COLEC10: variants seen among roughly 807,000 people sequenced by gnomAD.
COLEC10 encodes the protein collectin-10.
A neutral mutation model predicts 28.4 loss-of-function variants in COLEC10; 22 were observed. That is an observed-to-expected ratio of 0.78 (90% CI 0.55 to 1.11). The LOEUF (loss-of-function observed/expected upper bound fraction) is 1.11, where lower values mean the gene tolerates loss of function less well. Ranked by LOEUF, COLEC10 falls within the 50% of genes least tolerant of loss-of-function variation. The pLI, the probability that COLEC10 is intolerant of heterozygous loss-of-function variation, is 0.00. For synonymous variants in COLEC10, 125 were observed against 116.1 expected (o/e 1.08, Z -0.49); for missense variants, 361 against 344.1 (o/e 1.05, Z -0.39).
chr8:119,004,486 T>C (rs1192910957), intron 1 of COLEC10, among the ~76,000 whole-genome samples: 2 of 151,594 alleles, frequency 1.3e-5, no homozygotes, highest in African/African-American at 2.4e-5. Context: ...TTAATTCTCA[T>C]GCTACCCAGC....
chr8:119,070,476 T>TCTCTCTCC (rs1554627418), intron 1 of COLEC10, among the ~76,000 whole-genome samples: 40 of 99,104 alleles, frequency 4.0e-4, no homozygotes, highest in East Asian at 1.0e-3. Context: ...TCTCTCTCTC[T>TCTCTCTCC]CCTTCCCCCT....
At chr8:119,085,599 C>CTTCTTTTTT (rs1563739053) in intron 1 of COLEC10, among the ~76,000 whole-genome samples, 9 of 63,564 alleles carry the variant, frequency 1.4e-4, no homozygotes, top group East Asian at 5.9e-4. Flanking sequence ...TCTTCTTCTT[C>CTTCTTTTTT]TTTTTTTTTT....
At chr8:119,102,936 T>C (rs1815867693) in intron 4 of COLEC10, among the ~76,000 whole-genome samples, 1 of 152,184 alleles carries the variant, frequency 6.6e-6, no homozygotes. Flanking sequence ...CACAGAGGTA[T>C]GGTGAAGACA....
intron 2 of COLEC10, among the ~76,000 whole-genome samples, chr8:119,009,928 G>A (rs756617548): frequency 4.0e-5 from 6 of 150,430 alleles, no homozygotes; most frequent in Non-Finnish European, 7.4e-5. Flanking sequence ...ATTTCCTGTC[G>A]AACTTCTGCC....
rs1215366278 is a variant in COLEC10, at chr8:119,091,171, T to C, written c.243T>C (p.Asp81=). 2.5e-6 allele frequency: 4 copies of C among 1,612,888 alleles called. No homozygotes were observed. In the African/African-American group the frequency reaches 5.3e-5, roughly 22 times the overall value. Residue 81 remains aspartate (D), a synonymous_variant, in exon 3 of 6, where the codon GAT becomes GAC. Transcript: ENST00000332843. ...GPKGIKGELG[D]MGDQGNIGKT... is the part of the protein sequence containing the mutation. ...CAGGAATTAAAGGAGAACTGGGTGATATGGGAGATCAGGGCAATATTGGCA... is the reference window on the plus strand; with the variant it reads ...CAGGAATTAAAGGAGAACTGGGTGACATGGGAGATCAGGGCAATATTGGCA...
chr8:119,083,505 A>C (rs887875378), intron 1 of COLEC10, among the ~76,000 whole-genome samples: 4 of 152,146 alleles, frequency 2.6e-5, no homozygotes, highest in African/African-American at 9.7e-5. Context: ...AAGCCCAGGG[A>C]GTGGATACCA....
chr8:119,053,686 T>TGGG (rs60423523), intron 2 of COLEC10, among the ~76,000 whole-genome samples: 48 of 150,048 alleles, frequency 3.2e-4, no homozygotes, highest in South Asian at 1.5e-3. Context: ...AAAAAAAAGG[T>TGGG]GGGGGGGGCT....
chr8:119,078,814 ATTAC>A lies in COLEC10; in HGVS notation c.149-10863_149-10860del, dbSNP rs552852540. On this transcript the variant is annotated intron_variant, in intron 1 of 5. Transcript: ENST00000332843. ...ATCAAAGGTAATGGCAAAAACTGCA[ATTAC>A]TTTAACACCAACCTAATAACTACAT... Among the ~76,000 whole-genome samples the A allele has an allele frequency of 4.7e-4, 72 of 152,060 alleles. 1 individual carries two copies. The East Asian group carries it at 0.013, about 26-fold the overall frequency.
At chr8:118,997,408 CTG>C (rs1033030827) in intron 1 of COLEC10, among the ~76,000 whole-genome samples, 7 of 152,230 alleles carry the variant, frequency 4.6e-5, no homozygotes, top group African/African-American at 1.7e-4. Flanking sequence ...AGCTTTTCCC[CTG>C]TGTTTTTTCA....
chr8:119,089,817 T>C (rs1395463667), intron 2 of COLEC10, 66 bp downstream of exon 2: 1 of 1,355,786 alleles, frequency 7.4e-7, no homozygotes, highest in Non-Finnish European at 1.0e-6. Context: ...TCCTGGCCCT[T>C]GCCCTGGAAA....
intron 2 of COLEC10, among the ~76,000 whole-genome samples, chr8:119,028,452 G>T (rs773186538): frequency 5.6e-4 from 85 of 152,106 alleles, no homozygotes; most frequent in Non-Finnish European, 1.1e-3. Flanking sequence ...AATCATGGTG[G>T]GAGGTGAAAG....
chr8:119,106,063 G>A lies in COLEC10; in HGVS notation c.706G>A (p.Glu236Lys), dbSNP rs1815934904. 1 of 1,613,936 alleles carries A rather than the reference G, an allele frequency of 6.2e-7. No individual in the cohort carries two copies. Among genetic ancestry groups the A allele is most frequent in the Non-Finnish European group, 8.5e-7 (1 of 1,179,882 alleles). ...TPLQNYSNWNEGEPSDPYGHE... is the reference protein window; with the variant it reads ...TPLQNYSNWNKGEPSDPYGHE... The stretch of plus-strand genomic sequence containing the variant: ...ACTGCAGAACTATAGCAACTGGAAT[G>A]AGGGGGAACCCAGCGACCCCTATGG... Residue 236 changes from glutamate (E) to lysine (K), a missense_variant, in exon 6 of 6, where the codon GAG becomes AAG. Physicochemically the swap from Glu to Lys is moderately conservative, Grantham distance 56 (BLOSUM62 1). Transcript: ENST00000332843.
upstream of COLEC10, among the ~76,000 whole-genome samples, chr8:118,991,713 C>T (rs990926503): frequency 2.0e-5 from 3 of 152,064 alleles, no homozygotes; most frequent in Non-Finnish European, 2.9e-5. Context: ...TTGTGTGGCC[C>T]AATTCAGTAT....
the COLEC10 span, among the ~76,000 whole-genome samples, chr8:118,981,997 T>C: frequency 2.4e-5 from 2 of 81,984 alleles, no homozygotes; most frequent in Non-Finnish European, 5.0e-5. Flanking sequence ...TCACCCCTAC[T>C]TTTTTTTTTT....
intron 1 of COLEC10, among the ~76,000 whole-genome samples, chr8:119,086,813 C>A (rs1815489735): frequency 6.6e-6 from 1 of 152,190 alleles, no homozygotes; most frequent in Non-Finnish European, 1.5e-5. Flanking sequence ...TTTTCATGAG[C>A]AGGACGCGCA....
chr8:119,046,505 C>A (rs1814590622), intron 2 of COLEC10, among the ~76,000 whole-genome samples: 1 of 152,092 alleles, frequency 6.6e-6, no homozygotes, highest in Admixed American at 6.6e-5. Flanking sequence ...AATTGAAATT[C>A]TTGACATGAA....
intron 1 of COLEC10, 42 bp downstream of exon 1, chr8:119,067,471 A>G (rs1213161503): frequency 2.5e-6 from 4 of 1,579,544 alleles, no homozygotes; most frequent in Non-Finnish European, 1.7e-6. Context: ...AATAAATATG[A>G]TATCTTCCCT....
intron 2 of COLEC10, among the ~76,000 whole-genome samples, chr8:119,051,005 T>G (rs1385961857): frequency 6.6e-6 from 1 of 152,180 alleles, no homozygotes; most frequent in Non-Finnish European, 1.5e-5. Flanking sequence ...AGTGACTGAT[T>G]TTTTTAAATG....
the COLEC10 span, among the ~76,000 whole-genome samples, chr8:118,976,065 G>C: frequency 6.6e-6 from 1 of 151,964 alleles, no homozygotes; most frequent in Non-Finnish European, 1.5e-5. Flanking sequence ...TTCTTTAAAT[G>C]TTTGAAATAC....
Sources: gnomAD v4.1 joint callset for allele counts (sites outside exome capture counted in the v4.1 genomes callset) on GRCh38, gnomAD v4.1.1 for gene constraint, MANE v1.5 for transcripts, NCBI Gene and HGNC (gene_info 2026-07-23, HGNC 2026-07-21) for gene names.